BIRC6: variants seen among roughly 807,000 people sequenced by gnomAD.
BIRC6 encodes dual E2 ubiquitin-conjugating enzyme/E3 ubiquitin-protein ligase BIRC6.
In BIRC6, 98 loss-of-function variants were observed where a neutral mutation model predicts 503.3. That is an observed-to-expected ratio of 0.19 (90% confidence interval 0.17 to 0.23). BIRC6 has a LOEUF of 0.23. Among genes scored for constraint, BIRC6 ranks in the 10% least tolerant of loss-of-function variants. The pLI is 1.00. For missense variants in BIRC6, 5,360 were observed against 5,806.0 expected (o/e 0.92, Z 2.50); for synonymous variants, 2,240 against 2,078.7 (o/e 1.08, Z -2.11).
chr2:32,430,931 G>T lies in BIRC6; in HGVS notation c.3089G>T (p.Arg1030Leu), dbSNP rs144715668. Residue 1030 changes from arginine to leucine, a missense_variant, in exon 12 of 74, where the codon CGC becomes CTC. Around this residue, in one of 16 missense-constraint regions of BIRC6, gnomAD observed 700 missense variants for 739.3 expected, o/e 0.95. Coordinates refer to ENST00000421745, the MANE Select transcript of BIRC6 (RefSeq NM_016252.4). Reference protein sequence around the residue: ...EILTSLVELTRFETLTPRFSA... With the variant: ...EILTSLVELTLFETLTPRFSA... ...TTGACATCCCTAGTGGAGCTAACCC[G>T]CTTTGAGACTTTGACTCCAAGGTTT... is the stretch of plus-strand genomic sequence containing the variant. 6 of 1,606,158 alleles carry T rather than the reference G, an allele frequency of 3.7e-6. No individual in the cohort carries two copies. The highest frequency in any genetic ancestry group is 5.1e-6 in the Non-Finnish European group (6 of 1,176,698).
intron 45 of BIRC6, among the ~76,000 whole-genome samples, chr2:32,495,759 T>C (rs1209628583): frequency 1.3e-5 from 2 of 151,426 alleles, no homozygotes; most frequent in African/African-American, 4.8e-5. Flanking sequence ...GTTTTATATT[T>C]AGGCTTGTTA....
At chr2:32,377,029 A>C (rs1341204783) in intron 1 of BIRC6, among the ~76,000 whole-genome samples, 1 of 152,064 alleles carries the variant, frequency 6.6e-6, no homozygotes, top group Non-Finnish European at 1.5e-5. Flanking sequence ...ATGCTTATTG[A>C]GTTTTGCAAA....
At chr2:32,510,115 C>T in intron 52 of BIRC6, 121 bp downstream of exon 52, 1 of 1,166,672 alleles carries the variant, frequency 8.6e-7, no homozygotes, top group Non-Finnish European at 1.2e-6. Flanking sequence ...TTATGTTTAT[C>T]TCTCCTCTCT....
chr2:32,364,729 C>T (rs2034631206), intron 1 of BIRC6, among the ~76,000 whole-genome samples: 1 of 149,128 alleles, frequency 6.7e-6, no homozygotes, highest in Non-Finnish European at 1.5e-5. Flanking sequence ...TTGTACTTTA[C>T]TGTAGCTTCA....
chr2:32,507,981 C>T lies in BIRC6; in HGVS notation c.9702C>T (p.Thr3234=), dbSNP rs748470867. Residue 3234 remains threonine (T), a splice_region_variant and synonymous_variant, in exon 51 of 74, where the codon ACC becomes ACT. Coordinates refer to ENST00000421745, the MANE Select transcript of BIRC6 (RefSeq NM_016252.4). The part of the protein sequence containing the change: ...HIQPHLASLA[T]CPSSVSVEVS... ...TGATTCAGTTTTCTCTTTTTATAGC[C>T]TGCCCTTCCTCAGTGTCTGTTGAAG... The T allele has an allele frequency of 2.9e-5, 47 of 1,610,944 alleles. No homozygotes were observed. Among genetic ancestry groups the T allele is most frequent in the Non-Finnish European group, 3.6e-5 (43 of 1,178,358 alleles).
chr2:32,459,359 A>G (rs1254456725), intron 23 of BIRC6, among the ~76,000 whole-genome samples: 1 of 152,026 alleles, frequency 6.6e-6, no homozygotes, highest in Non-Finnish European at 1.5e-5. Context: ...TTTGGCTGTT[A>G]TGTCTAATGC....
intron 57 of BIRC6, among the ~76,000 whole-genome samples, chr2:32,524,293 A>G (rs561189884): frequency 3.9e-5 from 6 of 152,334 alleles, no homozygotes; most frequent in Non-Finnish European, 8.8e-5. Context: ...ATTTTAAAAC[A>G]TATTACTTTG....
chr2:32,442,043 T>G, intron 17 of BIRC6, 22 bp from the exon 18 acceptor site: 1 of 1,498,356 alleles, frequency 6.7e-7, no homozygotes, highest in South Asian at 1.4e-5. Context: ...TGGTAATGTG[T>G]TTATATTTTC....
At position 32,509,719 on chromosome 2, in the gene BIRC6, A is replaced by G. The variant is rs1439117891; in HGVS notation, c.9981-19A>G. ...TTGAGCGACTTATATTGATCATACA[A>G]GTCATTTTGTATTTTCAGTATTGGA... On this transcript the variant is annotated intron_variant, in intron 51 of 73. Coordinates refer to ENST00000421745, the MANE Select transcript of BIRC6 (RefSeq NM_016252.4). 3 of 1,613,404 alleles carry G rather than the reference A, an allele frequency of 1.9e-6. No individual in the cohort carries two copies. The African/African-American group carries it at 4.0e-5, about 22-fold the overall frequency.
At chr2:32,441,123 G>A (rs1302994517) in intron 16 of BIRC6, among the ~76,000 whole-genome samples, 2 of 152,098 alleles carry the variant, frequency 1.3e-5, no homozygotes, top group Non-Finnish European at 2.9e-5. Context: ...TTAAAATAGT[G>A]GCTGTGTCTG....
chr2:32,444,683 T>C (rs2045771142), intron 20 of BIRC6, among the ~76,000 whole-genome samples: 1 of 152,204 alleles, frequency 6.6e-6, no homozygotes, highest in Non-Finnish European at 1.5e-5. Context: ...GCCAGGAGTT[T>C]AAAAAAACAA....
chr2:32,543,682 A>T, intron 62 of BIRC6, 141 bp downstream of exon 62: 2 of 760,932 alleles, frequency 2.6e-6, no homozygotes, highest in Non-Finnish European at 4.1e-6. Context: ...CACTTCCAGT[A>T]TTAGTTATAC....
intron 73 of BIRC6, among the ~76,000 whole-genome samples, chr2:32,613,356 T>C (rs908047913): frequency 6.6e-6 from 1 of 151,898 alleles, no homozygotes; most frequent in Non-Finnish European, 1.5e-5. Context: ...GGCTAACTTT[T>C]GTATTTTTAT....
At chr2:32,418,807 G>T (rs2042639751) in intron 10 of BIRC6, among the ~76,000 whole-genome samples, 1 of 152,164 alleles carries the variant, frequency 6.6e-6, no homozygotes, top group African/African-American at 2.4e-5. Context: ...TATTGGCCAG[G>T]TGTGGTGGTG....
In BIRC6 at chr2:32,549,182, T is replaced by C. The variant is rs144310791; in HGVS notation, c.12976-131T>C. The C allele has an allele frequency of 3.5e-3, 2,006 of 579,144 alleles. 44 individuals are homozygous for C. The African/African-American group carries it at 0.036, about 10-fold the overall frequency. 35.9% of individuals were successfully genotyped at this position (579,144 alleles called of 1,614,324 possible). ...TGAAAATTTAAACAAATAATTATTT[T>C]AAAACATAGTATAAGATACTGATTA... On this transcript the variant is annotated intron_variant, in intron 64 of 73. Coordinates refer to ENST00000421745, the MANE Select transcript of BIRC6 (RefSeq NM_016252.4).
chr2:32,391,360 A>G (rs1485304592), intron 4 of BIRC6, among the ~76,000 whole-genome samples: 1 of 152,164 alleles, frequency 6.6e-6, no homozygotes, highest in Admixed American at 6.5e-5. Context: ...GGTCTATTGG[A>G]TGCTACTGCT....
chr2:32,378,080 A>G (rs1478840657), intron 2 of BIRC6, among the ~76,000 whole-genome samples: 6 of 152,070 alleles, frequency 3.9e-5, no homozygotes, highest in Non-Finnish European at 8.8e-5. Flanking sequence ...GGCTAAGTGT[A>G]TGGCCATCAT....
Position 32,468,794 on chromosome 2 carries a change from G to C in BIRC6, c.6127+11G>C, listed in dbSNP as rs1346003925. Reference sequence around the variant, plus strand: ...TTCATGCTTCTAATGGTTTGTATTTGGCTTACATATTTTAAAGGCTGGGAA... The same window carrying C: ...TTCATGCTTCTAATGGTTTGTATTTCGCTTACATATTTTAAAGGCTGGGAA... On this transcript the variant is annotated intron_variant, in intron 29 of 73. Coordinates refer to ENST00000421745, the MANE Select transcript of BIRC6 (RefSeq NM_016252.4). 1 of 1,549,502 alleles carries C rather than the reference G, an allele frequency of 6.5e-7. No individual in the cohort carries two copies. Among genetic ancestry groups the C allele is most frequent in the East Asian group, 2.3e-5 (1 of 44,062 alleles).
At chr2:32,573,800 A>G (rs185904712) in intron 65 of BIRC6, among the ~76,000 whole-genome samples, 13 of 152,328 alleles carry the variant, frequency 8.5e-5, no homozygotes, top group African/African-American at 2.9e-4. Flanking sequence ...ATAAATTGCA[A>G]TTCTGTCATT....
Sources: allele counts gnomAD v4.1 joint callset (sites outside exome capture counted in the v4.1 genomes callset), GRCh38; gene constraint gnomAD v4.1.1; regional missense constraint gnomAD v4.1.1; transcripts MANE v1.5; gene names NCBI Gene and HGNC (gene_info 2026-07-23, HGNC 2026-07-21).